SUDS3: variants seen among roughly 807,000 people sequenced by gnomAD.
SUDS3 encodes the protein sin3 histone deacetylase corepressor complex component SDS3.
In SUDS3, 23 loss-of-function variants were observed where a neutral mutation model predicts 53.5. The observed-to-expected ratio is 0.43, with a 90% CI of 0.31 to 0.61. The LOEUF (loss-of-function observed/expected upper bound fraction) is 0.61, where lower values mean the gene tolerates loss of function less well. SUDS3 is among the 20% of genes least tolerant of loss of function. The probability of loss-of-function intolerance (pLI) is 0.10; values close to 1 mark genes in which losing one functional copy is unlikely to be tolerated. For synonymous variants in SUDS3, 150 were observed against 148.5 expected (o/e 1.01, Z -0.08); for missense variants, 291 against 405.9 (o/e 0.72, Z 2.43).
intron 11 of SUDS3, 32 bp from the exon 12 acceptor site, chr12:118,414,303 T>G: frequency 6.6e-7 from 1 of 1,520,340 alleles, no homozygotes; most frequent in Non-Finnish European, 8.9e-7. Context: ...GTATTTAACT[T>G]TTCATCTTGT....
chr12:118,389,778 T>A, intron 4 of SUDS3, 149 bp from the exon 5 acceptor site: 1 of 923,654 alleles, frequency 1.1e-6, no homozygotes, highest in Non-Finnish European at 1.7e-6. Context: ...GTCCTTTCCC[T>A]TCGTGTATAT....
At chr12:118,380,672 A>G (rs905419807) in intron 2 of SUDS3, among the ~76,000 whole-genome samples, 2 of 152,192 alleles carry the variant, frequency 1.3e-5, no homozygotes, top group African/African-American at 4.8e-5. Context: ...AGGGGAGGGA[A>G]TGAGGCCGTA....
chr12:118,383,684 TTG>T (rs1052163571), intron 2 of SUDS3, among the ~76,000 whole-genome samples: 2 of 152,244 alleles, frequency 1.3e-5, no homozygotes, highest in South Asian at 4.1e-4. Context: ...CATTTCTACA[TTG>T]TGTGTGTGCT....
chr12:118,379,286 AAGT>A (rs2046031896), intron 1 of SUDS3, among the ~76,000 whole-genome samples: 2 of 152,038 alleles, frequency 1.3e-5, no homozygotes, highest in Non-Finnish European at 2.9e-5. Flanking sequence ...AAAATACAAA[AAGT>A]AGCCGGGTGT....
intron 9 of SUDS3, 52 bp from the exon 10 acceptor site, chr12:118,403,360 A>C: frequency 7.4e-7 from 1 of 1,356,250 alleles, no homozygotes; most frequent in Non-Finnish European, 1.0e-6. Flanking sequence ...TAACTGGTAG[A>C]CTCGCATGTG....
chr12:118,391,083 C>T (rs894859356), intron 5 of SUDS3, 43 bp from the exon 6 acceptor site: 2 of 1,606,142 alleles, frequency 1.2e-6, no homozygotes, highest in African/African-American at 2.7e-5. Flanking sequence ...AGCCCTGGCT[C>T]CCAGGGCTGT....
At chr12:118,398,183 CTG>C (rs1471883872) in intron 6 of SUDS3, among the ~76,000 whole-genome samples, 1 of 152,178 alleles carries the variant, frequency 6.6e-6, no homozygotes, top group Non-Finnish European at 1.5e-5. Context: ...ACGCCAGGCA[CTG>C]TGCTAAGATT....
Position 118,416,962 on chromosome 12 carries a change from A to T in SUDS3, c.*2529A>T, listed in dbSNP as rs956451751. On this transcript the variant is annotated 3_prime_UTR_variant, in exon 12 of 12. Coordinates refer to ENST00000543473, the MANE Select transcript of SUDS3 (RefSeq NM_022491.3). The stretch of plus-strand genomic sequence containing the variant: ...GACCATTTTGATCAAGAACCTGTAT[A>T]TGTGTTGTGTTAGAGGCATCTGCCT... 1.3e-5 allele frequency: 2 copies of T among 152,160 alleles called. No homozygotes were observed. The highest frequency in any genetic ancestry group is 4.8e-5 in the African/African-American group (2 of 41,424). The allele number at this position is 152,160 out of a possible 1,614,324, so 9.4% of individuals were successfully genotyped here. A position where few individuals can be genotyped will look rare whatever the true frequency, so the allele number is the denominator to read the frequency against.
chr12:118,410,579 AT>A (rs777048847), intron 10 of SUDS3, among the ~76,000 whole-genome samples: 18,734 of 127,216 alleles, frequency 0.15, 1,273 homozygotes, highest in Middle Eastern at 0.18. Flanking sequence ...TTATTTATTT[AT>A]TTTATTTATT....
chr12:118,390,623 G>A (rs1339637786), intron 5 of SUDS3, among the ~76,000 whole-genome samples: 1 of 152,092 alleles, frequency 6.6e-6, no homozygotes, highest in Non-Finnish European at 1.5e-5. Context: ...CCCACCATAG[G>A]CCCCTATGTC....
chr12:118,395,956 A>G (rs566515680), intron 6 of SUDS3, among the ~76,000 whole-genome samples: 7 of 152,244 alleles, frequency 4.6e-5, no homozygotes, highest in African/African-American at 1.4e-4. Flanking sequence ...CTGGGATTAC[A>G]GACATGAACC....
At position 118,417,584 on chromosome 12, in the gene SUDS3, C is replaced by T. The variant is rs952406738; in HGVS notation, c.*3151C>T. The T allele has an allele frequency of 1.3e-5, 2 of 151,534 alleles. No homozygotes were observed. Among genetic ancestry groups the T allele is most frequent in the Non-Finnish European group, 1.5e-5 (1 of 67,980 alleles). 9.4% of individuals were successfully genotyped at this position (151,534 alleles called of 1,614,324 possible). A position where few individuals can be genotyped will look rare whatever the true frequency, so the allele number is the denominator to read the frequency against. On this transcript the variant is annotated 3_prime_UTR_variant, in exon 12 of 12. Coordinates refer to ENST00000543473, the MANE Select transcript of SUDS3 (RefSeq NM_022491.3). ...ATGCCAGAACATGGTAAATTTGCAG[C>T]CATTTCAAGCAGGTGATGGTCTTTT...
intron 1 of SUDS3, among the ~76,000 whole-genome samples, chr12:118,377,745 A>G (rs1035886064): frequency 1.3e-5 from 2 of 151,916 alleles, no homozygotes; most frequent in Non-Finnish European, 2.9e-5. Context: ...TAGGAAACAA[A>G]GAGAGACCGA....
intron 10 of SUDS3, among the ~76,000 whole-genome samples, chr12:118,407,272 C>A (rs1185676895): frequency 2.0e-5 from 3 of 152,100 alleles, no homozygotes; most frequent in African/African-American, 7.2e-5. Flanking sequence ...ATGGTTCCCC[C>A]AAGACATCGT....
intron 9 of SUDS3, 133 bp downstream of exon 9, chr12:118,402,137 T>G: frequency 1.0e-6 from 1 of 978,062 alleles, no homozygotes; most frequent in South Asian, 1.5e-5. Context: ...GTAGTCATCA[T>G]GAAAACTGAA....
chr12:118,404,416 G>A (rs1349026408), intron 10 of SUDS3: 1 of 152,178 alleles, frequency 6.6e-6, no homozygotes, highest in Non-Finnish European at 1.5e-5. Context: ...CTGCATTCCT[G>A]GTTTACATTG....
At chr12:118,391,030 TCA>T in intron 5 of SUDS3, 94 bp from the exon 6 acceptor site, 1 of 1,387,022 alleles carries the variant, frequency 7.2e-7, no homozygotes, top group Non-Finnish European at 1.0e-6. Context: ...GGGGAAACTC[TCA>T]CACACTTTGC....
In SUDS3 at chr12:118,411,137, A is replaced by G. The variant is rs1366210205; in HGVS notation, c.868A>G (p.Ser290Gly). The G allele has an allele frequency of 6.3e-7, 1 of 1,597,908 alleles. No individual in the cohort carries two copies. The highest frequency in any genetic ancestry group is 1.1e-5 in the South Asian group (1 of 87,868). Residue 290 changes from serine (S) to glycine (G), a missense_variant, in exon 11 of 12, where the codon AGT becomes GGT. This residue lies in a region of SUDS3 where 77 missense variants were observed against 87.1 expected (regional missense o/e 0.88). Coordinates refer to ENST00000543473, the MANE Select transcript of SUDS3 (RefSeq NM_022491.3). ...CAACCAGAAACTGAGCTGCGTGATC[A>G]GTTCTGTAGGAGCCAATGAGGTGGG... ...KDNQKLSCVISSVGANEIWVR... is the reference protein window; with the variant it reads ...KDNQKLSCVIGSVGANEIWVR...
At chr12:118,398,000 T>C (rs552381347) in intron 6 of SUDS3, among the ~76,000 whole-genome samples, 156 of 152,350 alleles carry the variant, frequency 1.0e-3, no homozygotes, top group Middle Eastern at 6.8e-3. Context: ...CTTTACACTT[T>C]ATTTTCCAAA....
Sources: allele counts gnomAD v4.1 joint callset (sites outside exome capture counted in the v4.1 genomes callset), GRCh38; gene constraint gnomAD v4.1.1; regional missense constraint gnomAD v4.1.1; transcripts MANE v1.5; gene names NCBI Gene and HGNC (gene_info 2026-07-23, HGNC 2026-07-21).